The following CNTNAP2 variants were observed in gnomAD, a reference collection of about 807,000 sequenced individuals.
The protein encoded by CNTNAP2 is contactin-associated protein-like 2.
Under a neutral mutation model 155.2 loss-of-function variants are expected in CNTNAP2, and 98 were observed. That is an observed-to-expected ratio of 0.63 (90% CI 0.54 to 0.75). CNTNAP2 has a LOEUF of 0.75. Ranked by LOEUF, CNTNAP2 falls within the 30% of genes least tolerant of loss-of-function variation. CNTNAP2 has a pLI of 0.00. For synonymous variants in CNTNAP2, 651 were observed against 631.2 expected (o/e 1.03, Z -0.47); for missense variants, 1,727 against 1,688.1 (o/e 1.02, Z -0.40).
At chr7:146,937,150 G>A (rs949672620) in intron 3 of CNTNAP2, among the ~76,000 whole-genome samples, 3 of 151,954 alleles carry the variant, frequency 2.0e-5, no homozygotes, top group Non-Finnish European at 4.4e-5. Context: ...CACTTTGGGA[G>A]GCCAAGGCAG....
chr7:147,286,967 A>C (rs945702161), intron 8 of CNTNAP2, among the ~76,000 whole-genome samples: 1 of 150,692 alleles, frequency 6.6e-6, no homozygotes, highest in Non-Finnish European at 1.5e-5. Context: ...TTTACTGGCC[A>C]CTCTCTCAGT....
At chr7:148,074,819 C>T (rs1803453578) in intron 15 of CNTNAP2, among the ~76,000 whole-genome samples, 1 of 152,102 alleles carries the variant, frequency 6.6e-6, no homozygotes, top group African/African-American at 2.4e-5. Flanking sequence ...GTTTACAGGC[C>T]AATGACACAC....
At chr7:147,602,429 A>G (rs1800967018) in intron 12 of CNTNAP2, among the ~76,000 whole-genome samples, 1 of 151,434 alleles carries the variant, frequency 6.6e-6, no homozygotes, top group Non-Finnish European at 1.5e-5. Flanking sequence ...TACCACATCA[A>G]TGGGCAATTA....
At chr7:147,200,680 C>G (rs375623290) in intron 8 of CNTNAP2, among the ~76,000 whole-genome samples, 1 of 152,318 alleles carries the variant, frequency 6.6e-6, no homozygotes, top group East Asian at 1.9e-4. Context: ...ATTAGTGTCT[C>G]TGCTCACAAG....
chr7:146,929,198 C>G (rs1304122608), intron 3 of CNTNAP2, among the ~76,000 whole-genome samples: 17 of 152,324 alleles, frequency 1.1e-4, no homozygotes, highest in Middle Eastern at 3.4e-3. Context: ...CCAGTAGGGG[C>G]AGACTGACAC....
chr7:147,081,200 A>T (rs2129268353), intron 4 of CNTNAP2: 1 of 152,192 alleles, frequency 6.6e-6, no homozygotes, highest in South Asian at 2.1e-4. Context: ...ATTTGAAAGA[A>T]TGATTGTGAA....
chr7:146,866,221 A>C (rs2129206284), intron 3 of CNTNAP2, among the ~76,000 whole-genome samples: 1 of 152,260 alleles, frequency 6.6e-6, no homozygotes, highest in African/African-American at 2.4e-5. Context: ...CATGCACGGA[A>C]AGTCCAAGAT....
At position 146,398,947 on chromosome 7, in the gene CNTNAP2, G is replaced by C. The variant is rs6944241; in HGVS notation, c.97+281974G>C. On this transcript the variant is annotated intron_variant, in intron 1 of 23. Coordinates refer to ENST00000361727, the MANE Select transcript of CNTNAP2 (RefSeq NM_014141.6). The stretch of plus-strand genomic sequence containing the variant: ...TTTCAATCCTGTCATAATAACCTAT[G>C]TAGGTAGAATTGCCTTGAACTTTCT... 2.0e-3 allele frequency among the ~76,000 whole-genome samples: 303 copies of C among 152,102 alleles called. 1 individual carries two copies. The highest frequency in any genetic ancestry group is 7.0e-3 in the African/African-American group (292 of 41,524).
chr7:148,137,705 G>GAAGGAAGC (rs1804987187), intron 16 of CNTNAP2, among the ~76,000 whole-genome samples: 1 of 150,476 alleles, frequency 6.6e-6, no homozygotes, highest in Non-Finnish European at 1.5e-5. Flanking sequence ...AGGAAGGAAG[G>GAAGGAAGC]AAGGAAGGAA....
intron 1 of CNTNAP2, among the ~76,000 whole-genome samples, chr7:146,155,866 A>T (rs1399927773): frequency 6.7e-6 from 1 of 150,130 alleles, no homozygotes; most frequent in South Asian, 2.1e-4. Flanking sequence ...TGCCTGACTA[A>T]TTTTTTTTTG....
intron 1 of CNTNAP2, among the ~76,000 whole-genome samples, chr7:146,236,520 T>C (rs913607605): frequency 6.6e-6 from 1 of 152,200 alleles, no homozygotes; most frequent in Non-Finnish European, 1.5e-5. Flanking sequence ...GTTTATTCTT[T>C]TAGAAAAAGT....
At chr7:146,476,200 A>C (rs1028828534) in intron 1 of CNTNAP2, among the ~76,000 whole-genome samples, 1 of 152,160 alleles carries the variant, frequency 6.6e-6, no homozygotes, top group African/African-American at 2.4e-5. Context: ...TACAAATGTA[A>C]ATTTTTTCTT....
At chr7:147,227,102 G>C (rs1483165807) in intron 8 of CNTNAP2, among the ~76,000 whole-genome samples, 1 of 152,170 alleles carries the variant, frequency 6.6e-6, no homozygotes, top group Non-Finnish European at 1.5e-5. Context: ...GCTTCCCTGA[G>C]AAGATGGCAA....
intron 3 of CNTNAP2, among the ~76,000 whole-genome samples, chr7:146,976,187 T>C (rs1032824443): frequency 4.6e-5 from 7 of 152,252 alleles, no homozygotes; most frequent in Non-Finnish European, 1.0e-4. Flanking sequence ...ACTGTTTTCC[T>C]GCTTCTCTCG....
rs1341587794 is a variant in CNTNAP2 at position 147,282,184 on chromosome 7, CA to C, written c.1349-17955del. Among the ~76,000 whole-genome samples the C allele has an allele frequency of 3.3e-5, 5 of 151,990 alleles. No homozygotes were observed. The East Asian group carries it at 7.7e-4, about 24-fold the overall frequency. ...TGATAGTGGGCATGAAACCTTAGTA[CA>C]ACTTGTTAAAGGCTGAGCTAGACAC... On this transcript the variant is annotated intron_variant, in intron 8 of 23. Coordinates refer to ENST00000361727, the MANE Select transcript of CNTNAP2 (RefSeq NM_014141.6).
At chr7:146,851,513 G>GC (rs745435949) in intron 3 of CNTNAP2, among the ~76,000 whole-genome samples, 4 of 152,084 alleles carry the variant, frequency 2.6e-5, no homozygotes, top group Non-Finnish European at 5.9e-5. Flanking sequence ...AGTTCTGGAG[G>GC]CCAGAAGTCC....
At chr7:148,227,905 G>A (rs1396347860) in intron 19 of CNTNAP2, among the ~76,000 whole-genome samples, 1 of 150,800 alleles carries the variant, frequency 6.6e-6, no homozygotes, top group African/African-American at 2.4e-5. Flanking sequence ...GTGTGTGTGT[G>A]TGTGTGTGTG....
Position 147,977,849 on chromosome 7 carries a change from C to G in CNTNAP2, c.2256-13C>G. On this transcript the variant is annotated splice_polypyrimidine_tract_variant and intron_variant, in intron 14 of 23. Transcript: ENST00000361727. Reference sequence around the variant, plus strand: ...GCCTCCTCATTCTTTTTCTGTCTTTCCCTGTGATCCAGGAGGAAGGATGCT... The same window carrying G: ...GCCTCCTCATTCTTTTTCTGTCTTTGCCTGTGATCCAGGAGGAAGGATGCT... The G allele has an allele frequency of 6.2e-7, 1 of 1,613,956 alleles. No homozygotes were observed. Among genetic ancestry groups the G allele is most frequent in the Non-Finnish European group, 8.5e-7 (1 of 1,179,936 alleles).
chr7:147,347,420 T>TTATATATATATATA (rs137977529), intron 9 of CNTNAP2, among the ~76,000 whole-genome samples: 1 of 120,726 alleles, frequency 8.3e-6, no homozygotes, highest in African/African-American at 3.6e-5. Flanking sequence ...TGTGAAAAGA[T>TTATATATATATATA]TATATATATA....
Sources: gnomAD v4.1 joint callset for allele counts (sites outside exome capture counted in the v4.1 genomes callset) on GRCh38, gnomAD v4.1.1 for gene constraint, MANE v1.5 for transcripts, NCBI Gene and HGNC (gene_info 2026-07-23, HGNC 2026-07-21) for gene names.